Variants in ZBTB16 observed in about 807,000 individuals in gnomAD.
ZBTB16 encodes zinc finger and BTB domain containing 16.
ZBTB16 carries 8 observed loss-of-function variants against 56.8 expected under a neutral mutation model. That is an observed-to-expected ratio of 0.14 (90% CI 0.08 to 0.25). The LOEUF (loss-of-function observed/expected upper bound fraction) is 0.25. Among genes scored for constraint, ZBTB16 ranks in the 10% least tolerant of loss-of-function variants. The probability of loss-of-function intolerance (pLI) is 1.00; values close to 1 mark genes in which losing one functional copy is unlikely to be tolerated. For synonymous variants in ZBTB16, 363 were observed against 368.5 expected, an observed-to-expected ratio of 0.98 and a Z score of 0.17; for missense variants, 625 against 903.0, an observed-to-expected ratio of 0.69 and a Z score of 3.95.
rs140660353 is a variant in ZBTB16 at position 114,134,429 on chromosome 11, G to A, written c.1269-21908G>A. Among the ~76,000 whole-genome samples the A allele has an allele frequency of 4.4e-3, 676 of 152,182 alleles. 7 individuals carry two copies. The highest frequency in any genetic ancestry group is 0.015 in the African/African-American group (612 of 41,488). The stretch of plus-strand genomic sequence containing the variant: ...CAGAAGGCAAGGTGGGGAATAGAGA[G>A]CTTTTGGTATCACAGGCTTAGAAGC... On this transcript the variant is annotated intron_variant, in intron 2 of 6. Coordinates refer to ENST00000335953, the MANE Select transcript of ZBTB16 (RefSeq NM_006006.6).
intron 2 of ZBTB16, among the ~76,000 whole-genome samples, chr11:114,095,042 G>A (rs1042673375): frequency 9.8e-5 from 15 of 152,326 alleles, no homozygotes; most frequent in Admixed American, 8.5e-4. Context: ...GCCTGCAAAC[G>A]TGAGAGGGGG....
Position 114,082,902 on chromosome 11 carries a change from C to T in ZBTB16, c.1268+18334C>T, listed in dbSNP as rs530014162. On this transcript the variant is annotated intron_variant, in intron 2 of 6. Transcript: ENST00000335953. ...TTGCCTCCCTGATAGTGAACAGCGA[C>T]GCTATCTCCCGCGGGCCAGTCTCGG... is the stretch of plus-strand genomic sequence containing the variant. 3.3e-5 allele frequency among the ~76,000 whole-genome samples: 5 copies of T among 152,310 alleles called. No homozygotes were observed. The East Asian group carries it at 9.7e-4, about 29-fold the overall frequency.
chr11:114,081,448 GATATAT>G (rs969450290), intron 2 of ZBTB16, among the ~76,000 whole-genome samples: 1 of 152,112 alleles, frequency 6.6e-6, no homozygotes, highest in East Asian at 1.9e-4. Context: ...GAAAGACTAT[GATATAT>G]ATATTCAGAG....
At chr11:114,081,448 G>GAT (rs969450290) in intron 2 of ZBTB16, among the ~76,000 whole-genome samples, 1 of 152,112 alleles carries the variant, frequency 6.6e-6, no homozygotes, top group Non-Finnish European at 1.5e-5. Flanking sequence ...GAAAGACTAT[G>GAT]ATATATATAT....
intron 2 of ZBTB16, among the ~76,000 whole-genome samples, chr11:114,071,716 T>C (rs1038224802): frequency 1.1e-4 from 17 of 152,174 alleles, no homozygotes; most frequent in African/African-American, 4.1e-4. Context: ...GGAGGGTTTC[T>C]GAATTTTCCA....
intron 2 of ZBTB16, among the ~76,000 whole-genome samples, chr11:114,069,132 C>A (rs972171331): frequency 3.3e-5 from 5 of 152,170 alleles, no homozygotes; most frequent in African/African-American, 1.2e-4. Flanking sequence ...GTCTCCCAGG[C>A]TGGAGTGCAG....
intron 2 of ZBTB16, among the ~76,000 whole-genome samples, chr11:114,098,608 A>G (rs1940502140): frequency 6.6e-6 from 1 of 151,636 alleles, no homozygotes. Flanking sequence ...CGGGAGCCTT[A>G]GAAATTCTAA....
intron 3 of ZBTB16, among the ~76,000 whole-genome samples, chr11:114,183,759 T>A (rs1283854755): frequency 6.6e-6 from 1 of 152,238 alleles, no homozygotes; most frequent in Non-Finnish European, 1.5e-5. Context: ...AGCTGTGACT[T>A]CATCCAGCCG....
rs1255985639 is a variant in ZBTB16 at position 114,251,866 on chromosome 11, G to C, written c.*1311G>C. On this transcript the variant is annotated 3_prime_UTR_variant, in exon 7 of 7. Coordinates refer to ENST00000335953, the MANE Select transcript of ZBTB16 (RefSeq NM_006006.6). ...TGTCCCCTGTTAGCACATTGTACTT[G>C]AATTACCTCAGTTTTTTGTGACCTC... is the stretch of plus-strand genomic sequence containing the variant. 6.6e-6 allele frequency among the ~76,000 whole-genome samples: 1 copy of C among 152,166 alleles called. No individual in the cohort carries two copies. Among genetic ancestry groups the C allele is most frequent in the African/African-American group, 2.4e-5 (1 of 41,442 alleles).
At chr11:114,172,063 C>G (rs186975156) in intron 3 of ZBTB16, among the ~76,000 whole-genome samples, 7 of 152,296 alleles carry the variant, frequency 4.6e-5, no homozygotes, top group Non-Finnish European at 1.5e-5. Flanking sequence ...CTTGGACGTG[C>G]CTTTCACTCG....
At chr11:114,245,829 G>T (rs950373924) in intron 5 of ZBTB16, among the ~76,000 whole-genome samples, 13 of 152,152 alleles carry the variant, frequency 8.5e-5, no homozygotes, top group Admixed American at 8.5e-4. Context: ...AATACAGTGG[G>T]CCATTCTTTA....
At chr11:114,235,682 C>CTTTCTTTCTTTCTTTCTTTCT (rs1341487494) in intron 4 of ZBTB16, among the ~76,000 whole-genome samples, 53 of 36,114 alleles carry the variant, frequency 1.5e-3, no homozygotes, top group African/African-American at 3.7e-3. Flanking sequence ...TTCTTTCTTT[C>CTTTCTTTCTTTCTTTCTTTCT]TTTCTTTCTT....
intron 2 of ZBTB16, among the ~76,000 whole-genome samples, chr11:114,136,973 A>G (rs1388333561): frequency 6.6e-6 from 1 of 152,082 alleles, no homozygotes; most frequent in African/African-American, 2.4e-5. Context: ...GGTTCTATAT[A>G]GCATTTCTTT....
chr11:114,141,401 A>G (rs188464922), intron 2 of ZBTB16, among the ~76,000 whole-genome samples: 2 of 152,336 alleles, frequency 1.3e-5, no homozygotes, highest in Admixed American at 6.5e-5. Context: ...GCACATCACC[A>G]CATCCTCCTC....
At chr11:114,196,429 CT>C (rs1943612527) in intron 4 of ZBTB16, among the ~76,000 whole-genome samples, 1 of 73,920 alleles carries the variant, frequency 1.4e-5, no homozygotes, top group South Asian at 3.6e-4. Context: ...TTTAGAAGTT[CT>C]GAGGCTGGGA....
intron 2 of ZBTB16, among the ~76,000 whole-genome samples, chr11:114,141,572 T>C (rs984296433): frequency 3.9e-5 from 6 of 152,260 alleles, no homozygotes; most frequent in Non-Finnish European, 5.9e-5. Flanking sequence ...GTCTCATTTA[T>C]GTACCTTCGC....
chr11:114,129,532 A>G (rs1266885834), intron 2 of ZBTB16, among the ~76,000 whole-genome samples: 1 of 152,036 alleles, frequency 6.6e-6, no homozygotes, highest in Non-Finnish European at 1.5e-5. Context: ...ATTCCCTTTC[A>G]TTCTTTGTCT....
Position 114,143,797 on chromosome 11 carries a change from G to A in ZBTB16, c.1269-12540G>A, listed in dbSNP as rs934582668. Among the ~76,000 whole-genome samples the A allele has an allele frequency of 2.6e-5, 4 of 152,178 alleles. No individual in the cohort carries two copies. Among genetic ancestry groups the A allele is most frequent in the South Asian group, 2.1e-4 (1 of 4,828 alleles). The stretch of plus-strand genomic sequence containing the variant: ...GCAGTCAGAGTCAAGGTTAAGAATC[G>A]ATCTCTTCATTCTGTTTCAAGATTA... On this transcript the variant is annotated intron_variant, in intron 2 of 6. Coordinates refer to ENST00000335953, the MANE Select transcript of ZBTB16 (RefSeq NM_006006.6). This position sits in a 1 kb window ranked among gnomAD's most constrained non-coding sequence, Gnocchi z 6.4.
At chr11:114,214,792 C>T (rs542614130) in intron 4 of ZBTB16, among the ~76,000 whole-genome samples, 32 of 152,190 alleles carry the variant, frequency 2.1e-4, no homozygotes, top group Admixed American at 5.9e-4. Flanking sequence ...TTAGTAGAGA[C>T]GGAGTTTCGC....
Sources: gnomAD v4.1 joint callset for allele counts (sites outside exome capture counted in the v4.1 genomes callset) on GRCh38, gnomAD v4.1.1 for gene constraint, Gnocchi (gnomAD v3.1) non-coding constraint, MANE v1.5 for transcripts, NCBI Gene and HGNC (gene_info 2026-07-23, HGNC 2026-07-21) for gene names.